The following SLC2A9 variants were observed in gnomAD, a reference collection of about 807,000 sequenced individuals.
SLC2A9 encodes the protein solute carrier family 2, facilitated glucose transporter member 9.
A neutral mutation model predicts 50.6 loss-of-function variants in SLC2A9; 39 were observed. The observed-to-expected ratio is 0.77, with a 90% CI of 0.60 to 1.01. SLC2A9 has a LOEUF of 1.01. SLC2A9 is among the 50% of genes least tolerant of loss of function. The pLI is 0.00. For synonymous variants in SLC2A9, 324 were observed against 276.9 expected, an observed-to-expected ratio of 1.17 and a Z score of -1.69; for missense variants, 686 against 677.6, an observed-to-expected ratio of 1.01 and a Z score of -0.14.
At chr4:9,954,079 G>A (rs894314326) in intron 5 of SLC2A9, among the ~76,000 whole-genome samples, 10 of 152,186 alleles carry the variant, frequency 6.6e-5, no homozygotes, top group African/African-American at 2.4e-4. Context: ...AAAGTGCTGG[G>A]ATTACAGGCT....
At chr4:9,975,466 G>T (rs901373169) in intron 5 of SLC2A9, among the ~76,000 whole-genome samples, 1 of 152,148 alleles carries the variant, frequency 6.6e-6, no homozygotes, top group Non-Finnish European at 1.5e-5. Flanking sequence ...CTTCTCAAAA[G>T]AAGACATACA....
chr4:9,904,084 G>C (rs1007773543), intron 8 of SLC2A9, among the ~76,000 whole-genome samples: 11 of 151,838 alleles, frequency 7.2e-5, no homozygotes, highest in African/African-American at 2.4e-4. Context: ...GAGGAACAGG[G>C]GAGTGGCTTT....
intron 10 of SLC2A9, chr4:9,880,488 G>A: frequency 1.0e-6 from 1 of 985,356 alleles, no homozygotes; most frequent in Non-Finnish European, 1.2e-6. Flanking sequence ...GAAAGCCACA[G>A]TTGCAAACAC....
At chr4:9,788,028 A>G (rs1159622419) in intron 3 of SLC2A9, among the ~76,000 whole-genome samples, 2 of 152,224 alleles carry the variant, frequency 1.3e-5, no homozygotes, top group Non-Finnish European at 2.9e-5. Context: ...TTTAGCATTT[A>G]TTAGTGGCCC....
At chr4:9,778,147 T>C (rs1349014308), downstream of SLC2A9, among the ~76,000 whole-genome samples, 1 of 151,062 alleles carries the variant, frequency 6.6e-6, no homozygotes, top group African/African-American at 2.4e-5. Flanking sequence ...TGCTCTGTTG[T>C]CCAGCAGACT....
At chr4:9,972,347 T>G (rs74536012) in intron 5 of SLC2A9, among the ~76,000 whole-genome samples, 2,238 of 152,162 alleles carry the variant, frequency 0.015, 65 homozygotes, top group African/African-American at 0.05. Context: ...TTCTTTATCT[T>G]TGCAAGAGAA....
intron 11 of SLC2A9, among the ~76,000 whole-genome samples, chr4:9,833,980 A>G (rs562785118): frequency 1.3e-5 from 2 of 152,230 alleles, no homozygotes; most frequent in East Asian, 1.9e-4. Flanking sequence ...CTGCTCCCAG[A>G]TAACCCTCTT....
chr4:9,923,446 C>T (rs557305893), intron 6 of SLC2A9, among the ~76,000 whole-genome samples: 1 of 152,262 alleles, frequency 6.6e-6, no homozygotes, highest in East Asian at 1.9e-4. Context: ...GGCTCTTGGG[C>T]ATGGCTCCAC....
At chr4:10,026,063 T>A, upstream of SLC2A9, 1 of 1,291,510 alleles carries the variant, frequency 7.7e-7, no homozygotes. Flanking sequence ...GATGTGCAAG[T>A]CAGGGGAGGT....
downstream of SLC2A9, among the ~76,000 whole-genome samples, chr4:9,778,251 C>T (rs1180761254): frequency 1.3e-5 from 2 of 151,970 alleles, no homozygotes. Flanking sequence ...CTTTCTGTAG[C>T]TGGGGTTACA....
chr4:9,876,504 T>C (rs2109572267), intron 10 of SLC2A9, among the ~76,000 whole-genome samples: 1 of 152,276 alleles, frequency 6.6e-6, no homozygotes, highest in Admixed American at 6.5e-5. Context: ...GGTGGGAGGA[T>C]AGCCTGAGTC....
intron 3 of SLC2A9, among the ~76,000 whole-genome samples, chr4:9,805,764 A>G (rs1030653405): frequency 1.3e-5 from 2 of 149,612 alleles, no homozygotes; most frequent in African/African-American, 4.9e-5. Context: ...TCTATCTTCC[A>G]TAACTACTCT....
chr4:9,953,420 G>A (rs1399853974), intron 5 of SLC2A9, among the ~76,000 whole-genome samples: 3 of 152,220 alleles, frequency 2.0e-5, no homozygotes. Context: ...CTGGTGCCTT[G>A]CCCATCTGAG....
intron 3 of SLC2A9, among the ~76,000 whole-genome samples, chr4:9,994,983 C>G (rs1352770323): frequency 6.6e-6 from 1 of 152,104 alleles, no homozygotes; most frequent in Non-Finnish European, 1.5e-5. Context: ...TGAGTGCCAG[C>G]CTGTTGTCAA....
intron 2 of SLC2A9, among the ~76,000 whole-genome samples, chr4:9,998,593 A>G (rs1759175514): frequency 6.6e-6 from 1 of 152,184 alleles, no homozygotes; most frequent in Non-Finnish European, 1.5e-5. Context: ...CTTTGGCATC[A>G]GCTAGTCAAA....
At chr4:9,920,941 T>C (rs1262335065) in intron 6 of SLC2A9, among the ~76,000 whole-genome samples, 1 of 152,234 alleles carries the variant, frequency 6.6e-6, no homozygotes, top group Non-Finnish European at 1.5e-5. Context: ...GCTGTTGTAA[T>C]AATTGCATGA....
intron 2 of SLC2A9, among the ~76,000 whole-genome samples, chr4:10,018,636 A>G (rs1237032938): frequency 2.0e-5 from 3 of 152,194 alleles, no homozygotes; most frequent in Admixed American, 2.0e-4. Context: ...GTTTCCATGC[A>G]TAAGGCCCCT....
At chr4:9,782,691 T>C (rs1718629696) in intron 3 of SLC2A9, 2 of 1,614,030 alleles carry the variant, frequency 1.2e-6, no homozygotes, top group Non-Finnish European at 1.7e-6. Flanking sequence ...GACTCCAGCC[T>C]GAATCGAACC....
intron 3 of SLC2A9, among the ~76,000 whole-genome samples, chr4:9,781,503 G>GC (rs371538669): frequency 5.0e-4 from 76 of 152,106 alleles, no homozygotes; most frequent in African/African-American, 1.8e-3. Flanking sequence ...CTGCGGGATC[G>GC]CCCCTACACT....
Sources: allele counts gnomAD v4.1 joint callset (sites outside exome capture counted in the v4.1 genomes callset), GRCh38; gene constraint gnomAD v4.1.1; transcripts MANE v1.5; gene names NCBI Gene and HGNC (gene_info 2026-07-23, HGNC 2026-07-21).